The following PUM1 variants were observed in gnomAD, a reference collection of about 807,000 sequenced individuals.
The protein encoded by PUM1 is pumilio homolog 1.
A neutral mutation model predicts 131.8 loss-of-function variants in PUM1; 13 were observed. That is an observed-to-expected ratio of 0.10 (90% CI 0.06 to 0.16). The LOEUF (loss-of-function observed/expected upper bound fraction) is 0.16. Among genes scored for constraint, PUM1 ranks in the 10% least tolerant of loss-of-function variants. The pLI, the probability that PUM1 is intolerant of heterozygous loss-of-function variation, is 1.00. For missense variants in PUM1, 961 were observed against 1,512.4 expected, an observed-to-expected ratio of 0.64 and a Z score of 6.05; for synonymous variants, 509 against 556.5, an observed-to-expected ratio of 0.91 and a Z score of 1.20.
intron 4 of PUM1, among the ~76,000 whole-genome samples, chr1:31,006,552 G>A (rs1642408131): frequency 6.6e-6 from 1 of 152,130 alleles, no homozygotes; most frequent in African/African-American, 2.4e-5. Context: ...TCCCTCTTCA[G>A]GGGTAGTATG....
intron 2 of PUM1, among the ~76,000 whole-genome samples, chr1:31,037,642 C>A (rs1643655836): frequency 6.6e-6 from 1 of 151,898 alleles, no homozygotes. Flanking sequence ...ACTGCTTGAA[C>A]CAAGGAAGCG....
At chr1:30,985,895 CA>C (rs1335835887) in intron 7 of PUM1, among the ~76,000 whole-genome samples, 2 of 151,984 alleles carry the variant, frequency 1.3e-5, no homozygotes, top group Non-Finnish European at 2.9e-5. Context: ...AGCTAGAAAC[CA>C]AAATAATAGC....
intron 9 of PUM1, among the ~76,000 whole-genome samples, 165 bp downstream of exon 9, chr1:30,979,897 A>C (rs1035826312): frequency 3.3e-5 from 5 of 152,218 alleles, no homozygotes; most frequent in African/African-American, 1.2e-4. Context: ...TGAGGGGCCT[A>C]TGATACAGCT....
chr1:31,052,665 C>T (rs1005045435), intron 2 of PUM1, among the ~76,000 whole-genome samples: 13 of 150,300 alleles, frequency 8.6e-5, no homozygotes, highest in African/African-American at 3.2e-4. Flanking sequence ...ATGTACCCAG[C>T]TTTATTTTCT....
intron 2 of PUM1, among the ~76,000 whole-genome samples, chr1:31,058,162 A>G (rs187867259): frequency 5.8e-4 from 88 of 152,292 alleles, no homozygotes; most frequent in African/African-American, 2.0e-3. Flanking sequence ...CTGACACAAT[A>G]TATCAGTCCC....
At chr1:31,051,627 C>G (rs959474538) in intron 2 of PUM1, among the ~76,000 whole-genome samples, 1 of 146,010 alleles carries the variant, frequency 6.8e-6, no homozygotes, top group African/African-American at 2.6e-5. Flanking sequence ...TTTTTTTTTG[C>G]CTGGTTCTCT....
intron 2 of PUM1, among the ~76,000 whole-genome samples, chr1:31,032,825 G>C (rs754300056): frequency 1.2e-4 from 18 of 152,062 alleles, no homozygotes; most frequent in Non-Finnish European, 2.5e-4. Context: ...AATAAAGTGG[G>C]CCAGGCGTGG....
chr1:30,985,092 G>A (rs779717897), intron 7 of PUM1, among the ~76,000 whole-genome samples: 3 of 152,104 alleles, frequency 2.0e-5, no homozygotes, highest in Admixed American at 6.5e-5. Context: ...CTGGCAAATC[G>A]CTTAATCTCT....
chr1:30,953,607 T>A, intron 15 of PUM1, 107 bp downstream of exon 15: 1 of 1,279,828 alleles, frequency 7.8e-7, no homozygotes, highest in South Asian at 1.4e-5. Flanking sequence ...GGCACGCTTT[T>A]AAAAAATTAC....
At chr1:31,039,009 CTTTT>C (rs1643732149) in intron 2 of PUM1, among the ~76,000 whole-genome samples, 1 of 37,530 alleles carries the variant, frequency 2.7e-5, no homozygotes, top group Non-Finnish European at 5.0e-5. Flanking sequence ...TTCCTTTTCT[CTTTT>C]TGAGACAATG....
chr1:31,036,504 C>T (rs992496958), intron 2 of PUM1, among the ~76,000 whole-genome samples: 2 of 152,116 alleles, frequency 1.3e-5, no homozygotes, highest in African/African-American at 4.8e-5. Context: ...TGAGGCGAGG[C>T]CAGGAGTTCA....
At position 31,006,029 on chromosome 1, in the gene PUM1, G is replaced by A; in HGVS notation, c.544C>T (p.His182Tyr). 6.3e-7 allele frequency: 1 copy of A among 1,596,264 alleles called. No individual in the cohort carries two copies. Among genetic ancestry groups the A allele is most frequent in the Admixed American group, 1.8e-5 (1 of 55,774 alleles). The change falls in exon 5 of 22, where the codon CAT becomes TAT. Residue 182 changes from histidine to tyrosine, a missense_variant and splice_region_variant. This residue lies in a region of PUM1 where 654 missense variants were observed against 923.9 expected (regional missense o/e 0.71). Transcript: ENST00000426105. ...ACCATGATTGGCTGGGAAACTGAATGATCTACAAAAAAGATACACAAGCAT... is the reference window on the plus strand; with the variant it reads ...ACCATGATTGGCTGGGAAACTGAATAATCTACAAAAAAGATACACAAGCAT... Reference protein sequence around the residue: ...WRDSAWGTSDHSVSQPIMVQR... With the variant: ...WRDSAWGTSDYSVSQPIMVQR...
chr1:30,938,357 A>G (rs1250570759), intron 20 of PUM1, among the ~76,000 whole-genome samples: 1 of 152,070 alleles, frequency 6.6e-6, no homozygotes, highest in Non-Finnish European at 1.5e-5. Flanking sequence ...GGTTCAAGCC[A>G]TTCTCCTGAC....
At chr1:31,023,407 C>T (rs560892428) in intron 3 of PUM1, among the ~76,000 whole-genome samples, 1 of 152,206 alleles carries the variant, frequency 6.6e-6, no homozygotes, top group African/African-American at 2.4e-5. Context: ...TTTAAGGTAG[C>T]CCTCCCAGAG....
intron 20 of PUM1, among the ~76,000 whole-genome samples, chr1:30,937,590 AG>A (rs1376302840): frequency 1.3e-5 from 2 of 151,750 alleles, no homozygotes; most frequent in East Asian, 4.0e-4. Context: ...GCCTCAAATA[AG>A]TAATTTTTTT....
chr1:31,015,561 T>C (rs537881900), intron 3 of PUM1, among the ~76,000 whole-genome samples: 1 of 152,260 alleles, frequency 6.6e-6, no homozygotes, highest in East Asian at 1.9e-4. Context: ...CAGGATGGTC[T>C]TGATCTCCTG....
rs1204006273 is a variant in PUM1 at position 30,967,158 on chromosome 1, T to TGCGA, written c.1789+8_1789+9insTCGC. 6.2e-7 allele frequency: 1 copy of TGCGA among 1,613,090 alleles called. No individual in the cohort carries two copies. Among genetic ancestry groups the TGCGA allele is most frequent in the Non-Finnish European group, 8.5e-7 (1 of 1,179,276 alleles). On this transcript the variant is annotated intron_variant, in intron 12 of 21. Transcript: ENST00000426105. The stretch of plus-strand genomic sequence containing the variant: ...TCTCTGGCAGGAGTCCACTCAGATG[T>TGCGA]GCGCTCACCTGCTTGTGCAGCTGAG...
intron 2 of PUM1, among the ~76,000 whole-genome samples, chr1:31,031,158 C>CAT (rs58880530): frequency 0.44 from 66,409 of 151,770 alleles, 18,111 homozygotes; most frequent in African/African-American, 0.76. Flanking sequence ...GAACTCTACA[C>CAT]GTTATATGAA....
At position 31,035,620 on chromosome 1, in the gene PUM1, G is replaced by A. The variant is rs540637474; in HGVS notation, c.364-6756C>T. Among the ~76,000 whole-genome samples the A allele has an allele frequency of 3.4e-4, 51 of 150,946 alleles. 2 individuals carry two copies. The East Asian group carries it at 9.0e-3, about 27-fold the overall frequency. On this transcript the variant is annotated intron_variant, in intron 2 of 21. Transcript: ENST00000426105. ...TACAAAATTAGCCGGGCATGGTGGC[G>A]TGCACCTGTAATCCCAGCTACTCAG...
Sources: gnomAD v4.1 joint callset for allele counts (sites outside exome capture counted in the v4.1 genomes callset) on GRCh38, gnomAD v4.1.1 for gene constraint, gnomAD v4.1.1 regional missense constraint, MANE v1.5 for transcripts, NCBI Gene and HGNC (gene_info 2026-07-23, HGNC 2026-07-21) for gene names.